Variants in RBFOX1 observed in about 807,000 individuals in gnomAD.
The protein encoded by RBFOX1 is RNA binding fox-1 homolog 1.
In RBFOX1, 8 loss-of-function variants were observed where a neutral mutation model predicts 57.7. The observed-to-expected ratio is 0.14, with a 90% CI of 0.08 to 0.25. The LOEUF (loss-of-function observed/expected upper bound fraction) is 0.25. Ranked by LOEUF, RBFOX1 falls within the 10% of genes least tolerant of loss-of-function variation. The pLI, the probability that RBFOX1 is intolerant of heterozygous loss-of-function variation, is 1.00. For synonymous variants in RBFOX1, 326 were observed against 222.4 expected (o/e 1.47, Z -4.15); for missense variants, 611 against 548.5 (o/e 1.11, Z -1.14).
intron 5 of RBFOX1, among the ~76,000 whole-genome samples, chr16:7,552,041 C>G (rs537074674): frequency 6.6e-6 from 1 of 152,146 alleles, no homozygotes; most frequent in East Asian, 1.9e-4. Context: ...ATTTTTACCC[C>G]TCCCCACAAT....
At chr16:5,841,664 A>G (rs2056628970) in intron 3 of RBFOX1, among the ~76,000 whole-genome samples, 1 of 152,188 alleles carries the variant, frequency 6.6e-6, no homozygotes, top group Non-Finnish European at 1.5e-5. Context: ...TCTGAAACTC[A>G]GGTGTAAGTC....
intron 3 of RBFOX1, among the ~76,000 whole-genome samples, chr16:6,833,319 C>T (rs1392069109): frequency 2.0e-5 from 3 of 151,626 alleles, no homozygotes; most frequent in African/African-American, 7.3e-5. Context: ...GCTCCCAACA[C>T]CATGCCTGGC....
At chr16:6,528,421 C>G (rs2096611662) in intron 2 of RBFOX1, among the ~76,000 whole-genome samples, 1 of 152,140 alleles carries the variant, frequency 6.6e-6, no homozygotes, top group South Asian at 2.1e-4. Flanking sequence ...CATTGCAGAG[C>G]CAATAAAACA....
chr16:6,719,056 G>A (rs149506413), intron 3 of RBFOX1, among the ~76,000 whole-genome samples: 1 of 151,992 alleles, frequency 6.6e-6, no homozygotes, highest in Admixed American at 6.6e-5. Context: ...TTGTACAGAT[G>A]AGACTTTGCC....
At chr16:6,258,668 A>G (rs2097683590) in intron 1 of RBFOX1, among the ~76,000 whole-genome samples, 1 of 152,212 alleles carries the variant, frequency 6.6e-6, no homozygotes, top group African/African-American at 2.4e-5. Context: ...TTTTTAACTA[A>G]GCAGGATAAT....
chr16:6,892,567 G>A (rs559889489), intron 3 of RBFOX1, among the ~76,000 whole-genome samples: 2 of 152,252 alleles, frequency 1.3e-5, no homozygotes, highest in South Asian at 2.1e-4. Context: ...CTACTCAGGA[G>A]CCTGAGGCAG....
At chr16:5,372,702 C>T (rs1270565653) in intron 1 of RBFOX1, among the ~76,000 whole-genome samples, 1 of 152,190 alleles carries the variant, frequency 6.6e-6, no homozygotes, top group Non-Finnish European at 1.5e-5. Flanking sequence ...TCCAAGGCTG[C>T]TGTATATCTA....
At chr16:5,795,829 C>G (rs1176335603) in intron 3 of RBFOX1, among the ~76,000 whole-genome samples, 1 of 152,142 alleles carries the variant, frequency 6.6e-6, no homozygotes, top group Admixed American at 6.5e-5. Flanking sequence ...GAAGGATTTG[C>G]TTTTTTTCAC....
intron 1 of RBFOX1, among the ~76,000 whole-genome samples, chr16:5,243,771 C>T (rs1482330867): frequency 2.0e-5 from 3 of 152,186 alleles, no homozygotes; most frequent in African/African-American, 7.2e-5. Flanking sequence ...ATTAATACTA[C>T]TGCAGGGGAC....
chr16:5,634,840 C>G (rs1483460859), intron 3 of RBFOX1, among the ~76,000 whole-genome samples: 1 of 152,196 alleles, frequency 6.6e-6, no homozygotes. Flanking sequence ...GGCTTTCTAA[C>G]CTCATATTTG....
chr16:7,108,378 C>T (rs993946585), intron 4 of RBFOX1, among the ~76,000 whole-genome samples: 2 of 152,194 alleles, frequency 1.3e-5, no homozygotes, highest in South Asian at 2.1e-4. Context: ...AATTTGAAAA[C>T]ATGTACAAGT....
At chr16:7,444,447 C>T (rs968903366) in intron 4 of RBFOX1, among the ~76,000 whole-genome samples, 12 of 152,028 alleles carry the variant, frequency 7.9e-5, no homozygotes, top group Non-Finnish European at 1.5e-4. Flanking sequence ...GACTGAACAG[C>T]CTAGGGGGAG....
intron 3 of RBFOX1, chr16:6,873,966 C>G (rs879618329): frequency 7.9e-5 from 12 of 152,122 alleles, no homozygotes; most frequent in Admixed American, 7.9e-4. Flanking sequence ...GACCCCTGCA[C>G]AACGATGACA....
intron 3 of RBFOX1, among the ~76,000 whole-genome samples, chr16:6,807,009 T>G (rs1336192635): frequency 6.6e-6 from 1 of 151,474 alleles, no homozygotes; most frequent in Non-Finnish European, 1.5e-5. Context: ...GATTTTTGTA[T>G]TTTTAGCAGA....
At chr16:6,108,607 C>T (rs2096409275) in intron 1 of RBFOX1, among the ~76,000 whole-genome samples, 1 of 152,142 alleles carries the variant, frequency 6.6e-6, no homozygotes, top group African/African-American at 2.4e-5. Flanking sequence ...TAAATTGTCA[C>T]ACAGTTGGTG....
intron 2 of RBFOX1, among the ~76,000 whole-genome samples, chr16:6,417,766 T>G (rs2093665896): frequency 8.8e-6 from 1 of 113,104 alleles, no homozygotes; most frequent in African/African-American, 4.0e-5. Context: ...TAAGTAAGCT[T>G]GTGTCATAGG....
chr16:7,318,679 AACAAAAAGG>A (rs2096489184), intron 4 of RBFOX1, among the ~76,000 whole-genome samples: 2 of 152,170 alleles, frequency 1.3e-5, no homozygotes, highest in African/African-American at 4.8e-5. Flanking sequence ...TACAGCTTTT[AACAAAAAGG>A]TACCTAGTGG....
At chr16:7,218,867 C>T (rs1250704683) in intron 4 of RBFOX1, among the ~76,000 whole-genome samples, 1 of 152,106 alleles carries the variant, frequency 6.6e-6, no homozygotes, top group Admixed American at 6.6e-5. Context: ...TGACTCACCC[C>T]TCCAGCCTCG....
chr16:5,510,647 T>C lies in RBFOX1; in HGVS notation c.258+43393T>C, dbSNP rs878906252. Among the ~76,000 whole-genome samples, 7 of 152,304 alleles carry C rather than the reference T, an allele frequency of 4.6e-5. 1 individual carries two copies. The highest frequency in any genetic ancestry group is 2.6e-4 in the Admixed American group (4 of 15,302). ...CAATTCAATCTGCAAGGTAGGTTAA[T>C]AGCAGGGTTTTCCTTGTAGGTGGCC... On this transcript the variant is annotated intron_variant, in intron 2 of 2. Transcript: ENST00000585867.
Sources: allele counts gnomAD v4.1 joint callset (sites outside exome capture counted in the v4.1 genomes callset), GRCh38; gene constraint gnomAD v4.1.1; transcripts MANE v1.5; gene names NCBI Gene and HGNC (gene_info 2026-07-23, HGNC 2026-07-21).